NR2F1-AS1: variants seen among roughly 807,000 people sequenced by gnomAD.
NR2F1-AS1 encodes NR2F1 antisense RNA 1.
chr5:93,463,618 A>T (rs1318922109), intron 4 of NR2F1-AS1, among the ~76,000 whole-genome samples: 3 of 152,198 alleles, frequency 2.0e-5, no homozygotes, highest in Admixed American at 1.3e-4. Context: ...CCATGAAAGC[A>T]GCCAGGAGGG....
At chr5:93,459,629 T>C (rs116208010) in intron 4 of NR2F1-AS1, among the ~76,000 whole-genome samples, 2,203 of 152,318 alleles carry the variant, frequency 0.014, 62 homozygotes, top group African/African-American at 0.05. Context: ...TGATAATACC[T>C]TGTAATAGTT....
At chr5:93,581,662 GTCTCGGTCTC>G (rs1753037810), upstream of NR2F1-AS1, among the ~76,000 whole-genome samples, 3 of 91,804 alleles carry the variant, frequency 3.3e-5, no homozygotes, top group African/African-American at 1.2e-4. Flanking sequence ...AGGAATCGGG[GTCTCGGTCTC>G]TCTCTCTCTC....
chr5:93,558,681 G>T (rs1192063725), intron 2 of NR2F1-AS1, among the ~76,000 whole-genome samples: 2 of 152,176 alleles, frequency 1.3e-5, no homozygotes, highest in Non-Finnish European at 2.9e-5. Flanking sequence ...TGATCTATGG[G>T]CTATAGAACA....
chr5:93,435,128 C>T (rs975723753), intron 4 of NR2F1-AS1, among the ~76,000 whole-genome samples: 2 of 152,176 alleles, frequency 1.3e-5, no homozygotes, highest in African/African-American at 4.8e-5. Flanking sequence ...TTAGCATCCA[C>T]TGATAATTTG....
intron 1 of NR2F1-AS1, among the ~76,000 whole-genome samples, chr5:93,577,308 A>C (rs1752918631): frequency 6.6e-6 from 1 of 152,242 alleles, no homozygotes; most frequent in African/African-American, 2.4e-5. Context: ...TTTCGACCCA[A>C]AGGTGACAAA....
chr5:93,561,680 G>A (rs1186834212), intron 2 of NR2F1-AS1, among the ~76,000 whole-genome samples: 1 of 151,982 alleles, frequency 6.6e-6, no homozygotes, highest in Non-Finnish European at 1.5e-5. Context: ...GACTGAGGCG[G>A]AAGGATCACT....
At chr5:93,580,418 C>T (rs1019985855) in intron 1 of NR2F1-AS1, 1 of 152,340 alleles carries the variant, frequency 6.6e-6, no homozygotes, top group East Asian at 1.9e-4. Flanking sequence ...CGGCCCTGCC[C>T]GTTACCAACC....
chr5:93,485,838 C>T (rs530696402), intron 4 of NR2F1-AS1, among the ~76,000 whole-genome samples: 17 of 146,486 alleles, frequency 1.2e-4, no homozygotes, highest in Non-Finnish European at 2.4e-4. Context: ...GCATTATTCA[C>T]AATAGCAAAG....
At chr5:93,572,663 A>G (rs1445720555) in intron 1 of NR2F1-AS1, among the ~76,000 whole-genome samples, 3 of 152,160 alleles carry the variant, frequency 2.0e-5, no homozygotes, top group African/African-American at 7.2e-5. Context: ...TCCAGACTCC[A>G]GATCCCTGCC....
At chr5:93,504,333 G>A (rs1751142623) in intron 4 of NR2F1-AS1, among the ~76,000 whole-genome samples, 1 of 152,072 alleles carries the variant, frequency 6.6e-6, no homozygotes, top group Non-Finnish European at 1.5e-5. Flanking sequence ...TAGAAAACAT[G>A]AACATATTCA....
rs73133259 is a variant in NR2F1-AS1, at chr5:93,496,437, C to T, written n.638+57324G>A. On this transcript the variant is annotated intron_variant and non_coding_transcript_variant, in intron 4 of 5. Transcript: ENST00000660523. The stretch of plus-strand genomic sequence containing the variant: ...CTTGGCCCTTGTAGAAGGACACACC[C>T]TCTTTTTGTCAGAATTGCTTCTATT... Among the ~76,000 whole-genome samples, 676 of 152,272 alleles carry T rather than the reference C, an allele frequency of 4.4e-3. 5 individuals are homozygous for T. Among genetic ancestry groups the T allele is most frequent in the African/African-American group, 0.016 (660 of 41,576 alleles).
intron 4 of NR2F1-AS1, among the ~76,000 whole-genome samples, chr5:93,476,842 T>A (rs1750496179): frequency 1.3e-5 from 2 of 151,918 alleles, no homozygotes; most frequent in South Asian, 2.1e-4. Context: ...AAAAAAAAAA[T>A]GGACATTTCT....
chr5:93,500,313 T>G lies in NR2F1-AS1; in HGVS notation n.638+53448A>C, dbSNP rs528109536. Among the ~76,000 whole-genome samples, 12 of 152,320 alleles carry G rather than the reference T, an allele frequency of 7.9e-5. No individual in the cohort carries two copies. In the South Asian group the frequency reaches 2.3e-3, roughly 29 times the overall value. The stretch of plus-strand genomic sequence containing the variant: ...ACTTTAGGTTGGAGCCAATGCTCAT[T>G]TGCTATTCCAAAACACTGGGGCCCT... On this transcript the variant is annotated intron_variant and non_coding_transcript_variant, in intron 4 of 5. Transcript: ENST00000660523.
chr5:93,585,059 G>A (rs1249991943), upstream of NR2F1-AS1: 2 of 1,036,654 alleles, frequency 1.9e-6, no homozygotes, highest in South Asian at 3.9e-5. Context: ...GAGATCCGCA[G>A]GACGACGTGG....
chr5:93,448,433 A>G (rs563153984), intron 4 of NR2F1-AS1, among the ~76,000 whole-genome samples: 1 of 152,352 alleles, frequency 6.6e-6, no homozygotes, highest in South Asian at 2.1e-4. Context: ...ATGCACACAA[A>G]GACAATGGCT....
rs1306702725 is a variant in NR2F1-AS1, at chr5:93,563,963, G to A, written n.314-500C>T. Among the ~76,000 whole-genome samples the A allele has an allele frequency of 3.3e-5, 5 of 151,512 alleles. No individual in the cohort carries two copies. In the East Asian group the frequency reaches 5.8e-4, roughly 18 times the overall value. ...TAACAATACAAAAAATTAGCCTGGC[G>A]TAGTGGCTGGCGCCTGTAGTTCCAG... On this transcript the variant is annotated intron_variant and non_coding_transcript_variant, in intron 1 of 5. Transcript: ENST00000660523.
At chr5:93,486,817 T>C (rs975859939) in intron 4 of NR2F1-AS1, among the ~76,000 whole-genome samples, 8 of 152,110 alleles carry the variant, frequency 5.3e-5, no homozygotes, top group Non-Finnish European at 7.4e-5. Context: ...CAGGCCAATA[T>C]CCCTGATGAA....
At chr5:93,583,623 G>A (rs1164739826), upstream of NR2F1-AS1, 1 of 151,790 alleles carries the variant, frequency 6.6e-6, no homozygotes, top group Non-Finnish European at 1.5e-5. Context: ...GGAGGGTGTT[G>A]GTTGCCGGCT....
intron 4 of NR2F1-AS1, among the ~76,000 whole-genome samples, chr5:93,452,538 G>C (rs2149858343): frequency 6.6e-6 from 1 of 152,304 alleles, no homozygotes; most frequent in Non-Finnish European, 1.5e-5. Context: ...TAAATGGAAA[G>C]AGAACTCTGA....
Sources: allele counts gnomAD v4.1 joint callset (sites outside exome capture counted in the v4.1 genomes callset), GRCh38; gene constraint gnomAD v4.1.1; transcripts MANE v1.5; gene names NCBI Gene and HGNC (gene_info 2026-07-23, HGNC 2026-07-21).